SCARA3: variants seen among roughly 807,000 people sequenced by gnomAD.
The protein encoded by SCARA3 is scavenger receptor class A member 3.
Under a neutral mutation model 47.0 loss-of-function variants are expected in SCARA3, and 39 were observed. The observed-to-expected ratio is 0.83, with a 90% CI of 0.64 to 1.08. SCARA3 has a LOEUF of 1.08. SCARA3 is among the 50% of genes least tolerant of loss of function. The probability of loss-of-function intolerance (pLI) is 0.00; values close to 1 mark genes in which losing one functional copy is unlikely to be tolerated. For synonymous variants in SCARA3, 356 were observed against 334.1 expected (o/e 1.07, Z -0.71); for missense variants, 724 against 792.3 (o/e 0.91, Z 1.04).
chr8:27,695,040 T>C, the SCARA3 span, among the ~76,000 whole-genome samples: 1 of 152,116 alleles, frequency 6.6e-6, no homozygotes, highest in Non-Finnish European at 1.5e-5. Flanking sequence ...GATAAGGAGT[T>C]ATGAATTGAA....
At chr8:27,654,274 A>C (rs1039293785) in intron 3 of SCARA3, among the ~76,000 whole-genome samples, 1 of 152,164 alleles carries the variant, frequency 6.6e-6, no homozygotes, top group African/African-American at 2.4e-5. Context: ...TAAATGTTAG[A>C]AAAGAAAAAA....
At chr8:27,732,093 C>T in the SCARA3 span, among the ~76,000 whole-genome samples, 1 of 152,186 alleles carries the variant, frequency 6.6e-6, no homozygotes, top group African/African-American at 2.4e-5. Context: ...AACCAAAACA[C>T]CAGCAGGAGC....
chr8:27,720,940 T>G, the SCARA3 span, among the ~76,000 whole-genome samples: 1 of 151,074 alleles, frequency 6.6e-6, no homozygotes, highest in African/African-American at 2.4e-5. Context: ...ATTCATCTAT[T>G]CATCCATCCA....
intron 1 of SCARA3, among the ~76,000 whole-genome samples, chr8:27,647,845 T>G (rs1801540045): frequency 6.6e-6 from 1 of 152,140 alleles, no homozygotes; most frequent in Admixed American, 6.5e-5. Flanking sequence ...CCCTACTGAG[T>G]CCATTCAGAG....
In SCARA3 at chr8:27,666,692, G is replaced by C. The variant is rs367979443; in HGVS notation, c.1370-4208G>C. On this transcript the variant is annotated intron_variant, in intron 5 of 5. Transcript: ENST00000301904. ...GCACCCCTTTGTTTTATTTTCTTCT[G>C]TCCTTGTAAGCTGGCCAGTTGCCTT... 7.2e-5 allele frequency among the ~76,000 whole-genome samples: 11 copies of C among 152,288 alleles called. 1 individual carries two copies. The highest frequency in any genetic ancestry group is 2.6e-4 in the African/African-American group (11 of 41,564).
intron 1 of SCARA3, among the ~76,000 whole-genome samples, chr8:27,636,815 C>G (rs1801263060): frequency 6.6e-6 from 1 of 152,184 alleles, no homozygotes; most frequent in Admixed American, 6.5e-5. Context: ...TCCCTGGCAG[C>G]CGGGAAGAGC....
At chr8:27,668,558 A>AAAAAAAAAAAG (rs1802072545) in intron 5 of SCARA3, among the ~76,000 whole-genome samples, 2 of 149,822 alleles carry the variant, frequency 1.3e-5, no homozygotes, top group Non-Finnish European at 3.0e-5. Flanking sequence ...AAAAAAAAAA[A>AAAAAAAAAAAG]AAAAGAAATC....
intron 1 of SCARA3, among the ~76,000 whole-genome samples, chr8:27,645,058 C>G (rs904166608): frequency 6.6e-6 from 1 of 152,210 alleles, no homozygotes; most frequent in Non-Finnish European, 1.5e-5. Flanking sequence ...CATTCCTTTG[C>G]AGTTCAAACA....
At chr8:27,660,638 A>AGAT (rs1554539820) in intron 5 of SCARA3, among the ~76,000 whole-genome samples, 3 of 147,548 alleles carry the variant, frequency 2.0e-5, no homozygotes, top group Non-Finnish European at 4.5e-5. Flanking sequence ...ATAGATAGAT[A>AGAT]GATAGATAGA....
At chr8:27,662,555 T>C (rs1249044311) in intron 5 of SCARA3, among the ~76,000 whole-genome samples, 1 of 152,156 alleles carries the variant, frequency 6.6e-6, no homozygotes, top group Non-Finnish European at 1.5e-5. Context: ...GAAAGAAGCA[T>C]TGTGTACAGG....
the SCARA3 span, among the ~76,000 whole-genome samples, chr8:27,710,121 T>G: frequency 6.6e-6 from 1 of 151,276 alleles, no homozygotes; most frequent in South Asian, 2.1e-4. Context: ...TCCCAGCTGC[T>G]CGGGAGGCTG....
chr8:27,652,686 T>C (rs1277365942), intron 3 of SCARA3, among the ~76,000 whole-genome samples: 1 of 152,186 alleles, frequency 6.6e-6, no homozygotes, highest in Non-Finnish European at 1.5e-5. Context: ...CATTAATTAA[T>C]CCAACAAAAG....
At chr8:27,651,402 T>C in intron 2 of SCARA3, 106 bp from the exon 3 acceptor site, 1 of 1,369,662 alleles carries the variant, frequency 7.3e-7, no homozygotes, top group Non-Finnish European at 9.9e-7. Context: ...CTTCTGAGCC[T>C]GGTTTGAATG....
chr8:27,676,749 A>G, downstream of SCARA3: 1 of 538,296 alleles, frequency 1.9e-6, no homozygotes, highest in South Asian at 2.5e-5. Context: ...TTTATAAATA[A>G]ATAAATTTAC....
In SCARA3 at chr8:27,659,382, C is replaced by T. The variant is rs747858747; in HGVS notation, c.1212C>T (p.Ser404=). The T allele has an allele frequency of 1.9e-5, 30 of 1,613,970 alleles. No homozygotes were observed. The highest frequency in any genetic ancestry group is 3.3e-5 in the Admixed American group (2 of 59,982). ...EELYYLNKSV[S]IMLGTTDLLR... ...TCTACTACCTGAACAAGTCTGTCTC[C>T]ATCATGCTGGGCACCACAGACCTGC... The change falls in exon 5 of 6, where the codon TCC becomes TCT. Residue 404 remains serine (S), a synonymous_variant. Transcript: ENST00000301904.
chr8:27,668,107 T>A (rs955221730), intron 5 of SCARA3, among the ~76,000 whole-genome samples: 3 of 152,146 alleles, frequency 2.0e-5, no homozygotes, highest in Admixed American at 1.3e-4. Context: ...TGCATAAACA[T>A]CCACCAGGAG....
intron 4 of SCARA3, 130 bp from the exon 5 acceptor site, chr8:27,658,366 G>A (rs1801787821): frequency 3.8e-6 from 3 of 785,510 alleles, no homozygotes; most frequent in Non-Finnish European, 6.0e-6. Context: ...ATTCATAACA[G>A]GACTTCTGGA....
At chr8:27,716,308 T>C in the SCARA3 span, among the ~76,000 whole-genome samples, 1 of 151,724 alleles carries the variant, frequency 6.6e-6, no homozygotes, top group Admixed American at 6.6e-5. Flanking sequence ...AAGATCTCTC[T>C]ATATAAATAT....
At chr8:27,724,970 C>A in the SCARA3 span, among the ~76,000 whole-genome samples, 1 of 152,132 alleles carries the variant, frequency 6.6e-6, no homozygotes, top group Non-Finnish European at 1.5e-5. Context: ...AAAAACATTA[C>A]AATAAGATTC....
Sources: allele counts gnomAD v4.1 joint callset (sites outside exome capture counted in the v4.1 genomes callset), GRCh38; gene constraint gnomAD v4.1.1; transcripts MANE v1.5; gene names NCBI Gene and HGNC (gene_info 2026-07-23, HGNC 2026-07-21).